Variants in NCLN observed in about 807,000 individuals in gnomAD.
The protein encoded by NCLN is BOS complex subunit NCLN.
NCLN carries 34 observed loss-of-function variants against 69.5 expected under a neutral mutation model. The observed-to-expected ratio is 0.49, with a 90% confidence interval of 0.37 to 0.65. NCLN has a LOEUF of 0.65. Among genes scored for constraint, NCLN ranks in the 30% least tolerant of loss-of-function variants. The probability of loss-of-function intolerance (pLI) is 0.00; values close to 1 mark genes in which losing one functional copy is unlikely to be tolerated. For synonymous variants in NCLN, 393 were observed against 358.3 expected, an observed-to-expected ratio of 1.10 and a Z score of -1.09; for missense variants, 710 against 804.8, an observed-to-expected ratio of 0.88 and a Z score of 1.42.
intron 4 of NCLN, among the ~76,000 whole-genome samples, chr19:3,197,562 C>T (rs1381776943): frequency 6.6e-6 from 1 of 152,170 alleles, no homozygotes; most frequent in African/African-American, 2.4e-5. Context: ...TTGCCTCGGC[C>T]TCCCGAGTAG....
At chr19:3,195,926 G>A (rs907080819) in intron 3 of NCLN, among the ~76,000 whole-genome samples, 1 of 152,184 alleles carries the variant, frequency 6.6e-6, no homozygotes, top group African/African-American at 2.4e-5. Flanking sequence ...TTGAGGGCCC[G>A]GGAGGAAAGG....
chr19:3,194,577 A>T (rs1237184004), intron 3 of NCLN, among the ~76,000 whole-genome samples: 1 of 152,234 alleles, frequency 6.6e-6, no homozygotes, highest in Non-Finnish European at 1.5e-5. Flanking sequence ...GAGACCATCC[A>T]GCCTGCAAAG....
chr19:3,191,605 G>A (rs948078005), intron 1 of NCLN, among the ~76,000 whole-genome samples: 1 of 152,236 alleles, frequency 6.6e-6, no homozygotes, highest in East Asian at 1.9e-4. Context: ...AGGCTTCAGG[G>A]AAGGGCCGTC....
chr19:3,204,054 C>T lies in NCLN; in HGVS notation c.939C>T (p.Thr313=), dbSNP rs780897260. 71 of 1,568,862 alleles carry T rather than the reference C, an allele frequency of 4.5e-5. No homozygotes were observed. In the East Asian group the frequency reaches 9.5e-4, roughly 21 times the overall value. The stretch of plus-strand genomic sequence containing the variant: ...TGGCCTTCGTGCTGTGCCTGGACAC[C>T]GTGGGCCGGGGCAGCAGCCTGCACC... ...DNVAFVLCLD[T]VGRGSSLHLH... The change falls in exon 8 of 15, where the codon ACC becomes ACT. Residue 313 remains threonine (T), a synonymous_variant. Transcript: ENST00000246117.
intron 1 of NCLN, among the ~76,000 whole-genome samples, chr19:3,187,667 G>A (rs1016746059): frequency 6.6e-6 from 1 of 152,228 alleles, no homozygotes; most frequent in South Asian, 2.1e-4. Flanking sequence ...CATGGAGTGG[G>A]TGGAGGCCAG....
intron 6 of NCLN, 87 bp downstream of exon 6, chr19:3,201,713 C>G (rs1916131676): frequency 1.7e-6 from 2 of 1,143,114 alleles, no homozygotes; most frequent in Non-Finnish European, 2.4e-6. Context: ...GCAGATGTTT[C>G]TCTGGAGCCT....
intron 7 of NCLN, 63 bp from the exon 8 acceptor site, chr19:3,203,931 CAGGAGGCACAG>C: frequency 6.4e-7 from 1 of 1,561,588 alleles, no homozygotes; most frequent in African/African-American, 1.4e-5. Context: ...TGGGGGCAGC[CAGGAGGCACAG>C]AGGGAGGGCC....
At chr19:3,191,005 G>A (rs910104018) in intron 1 of NCLN, among the ~76,000 whole-genome samples, 2 of 145,124 alleles carry the variant, frequency 1.4e-5, no homozygotes, top group Admixed American at 1.4e-4. Context: ...GGCCATCGCG[G>A]TGTGTGGCGG....
Position 3,198,814 on chromosome 19 carries a change from C to T in NCLN, c.616-3C>T. On this transcript the variant is annotated splice_region_variant and splice_polypyrimidine_tract_variant and intron_variant, in intron 4 of 14. Transcript: ENST00000246117. Reference sequence around the variant, plus strand: ...AGGCCATTCCCCTGCTCTCTATCCACAGGGGCGGCTGACGGGGCTGGGCGG... The same window carrying T: ...AGGCCATTCCCCTGCTCTCTATCCATAGGGGCGGCTGACGGGGCTGGGCGG... 2 of 1,582,282 alleles carry T rather than the reference C, an allele frequency of 1.3e-6. No homozygotes were observed. Among genetic ancestry groups the T allele is most frequent in the South Asian group, 2.3e-5 (2 of 88,246 alleles).
intron 6 of NCLN, among the ~76,000 whole-genome samples, chr19:3,202,152 G>A (rs1340705290): frequency 3.9e-5 from 6 of 152,034 alleles, no homozygotes; most frequent in Admixed American, 1.3e-4. Flanking sequence ...ACTATGTCCC[G>A]TGATCATCTG....
intron 3 of NCLN, among the ~76,000 whole-genome samples, chr19:3,193,727 G>A (rs1001575617): frequency 2.8e-4 from 43 of 152,246 alleles, no homozygotes; most frequent in Admixed American, 2.8e-3. Flanking sequence ...CAGGGGCTCG[G>A]GGTTTATGAA....
In NCLN at chr19:3,185,977, G is replaced by GC; in HGVS notation, c.-52dup. 7.4e-7 allele frequency: 1 copy of GC among 1,358,000 alleles called. No homozygotes were observed. Among genetic ancestry groups the GC allele is most frequent in the South Asian group, 1.7e-5 (1 of 57,312 alleles). 84.1% of individuals were successfully genotyped at this position (1,358,000 alleles called of 1,614,324 possible). A position where few individuals can be genotyped will look rare whatever the true frequency, so the allele number is the denominator to read the frequency against. ...CCGAGGTGAGTCCGCGGGAGCCGCC[G>GC]CCGCCGCCGTCCCGTCCCAGCTGCC... On this transcript the variant is annotated 5_prime_UTR_variant, in exon 1 of 15. Coordinates refer to ENST00000246117, the MANE Select transcript of NCLN (RefSeq NM_020170.4).
intron 2 of NCLN, among the ~76,000 whole-genome samples, chr19:3,192,915 A>G (rs1915865409): frequency 6.6e-6 from 1 of 152,124 alleles, no homozygotes. Context: ...AGCACCCTGC[A>G]GTGCCCAGGA....
chr19:3,201,035 A>G (rs774742924), intron 5 of NCLN, among the ~76,000 whole-genome samples: 5 of 152,142 alleles, frequency 3.3e-5, no homozygotes, highest in Non-Finnish European at 7.4e-5. Flanking sequence ...TTAGATCACA[A>G]AGGTGCATCC....
At chr19:3,203,889 C>T (rs768219315) in intron 7 of NCLN, 45 bp downstream of exon 7, 29 of 1,597,884 alleles carry the variant, frequency 1.8e-5, no homozygotes, top group African/African-American at 1.1e-4. Context: ...GTGGTGGTGC[C>T]GTGGGGAGGC....
In NCLN at chr19:3,196,253, T is replaced by C. The variant is rs1280370384; in HGVS notation, c.591T>C (p.Ser197=). 6.4e-7 allele frequency: 1 copy of C among 1,551,144 alleles called. No individual in the cohort carries two copies. The highest frequency in any genetic ancestry group is 2.4e-5 in the East Asian group (1 of 41,044). The change falls in exon 4 of 15, where the codon AGT becomes AGC. Residue 197 remains serine (S), a synonymous_variant. Transcript: ENST00000246117. The stretch of plus-strand genomic sequence containing the variant: ...GCGGGGTACAGAGCAAGGCCGTGAG[T>C]GACTGGCTGATTGCCAGCGTGGAGG... ...VTSGVQSKAV[S]DWLIASVEGR...
At chr19:3,193,168 T>TCACTGGGCCCCCTGCTACCCCCA (rs1915873040) in intron 2 of NCLN, 116 bp from the exon 3 acceptor site, 1 of 1,003,712 alleles carries the variant, frequency 1.0e-6, no homozygotes, top group African/African-American at 1.9e-5. Context: ...TGCTACCCCC[T>TCACTGGGCCCCCTGCTACCCCCA]CCAGGGACAG....
At position 3,205,933 on chromosome 19, in the gene NCLN, G is replaced by A. The variant is rs375049865; in HGVS notation, c.1209-6G>A. ...CATTTTAAAACATTGTTTTTGAATC[G>A]TGAAGGTCCCGGGTGGATTCTAAGA... On this transcript the variant is annotated splice_region_variant and splice_polypyrimidine_tract_variant and intron_variant, in intron 9 of 14. Transcript: ENST00000246117. The surrounding 1 kb of genome is among the most constrained non-coding windows in gnomAD (Gnocchi z 4.6). 1.1e-5 allele frequency: 17 copies of A among 1,613,288 alleles called. No individual in the cohort carries two copies. The highest frequency in any genetic ancestry group is 3.3e-5 in the Admixed American group (2 of 59,968).
intron 1 of NCLN, among the ~76,000 whole-genome samples, chr19:3,186,514 C>T (rs1915674262): frequency 6.6e-6 from 1 of 152,318 alleles, no homozygotes; most frequent in Non-Finnish European, 1.5e-5. Flanking sequence ...CCCTAAGTCC[C>T]CTCTCTCCTG....
Sources: gnomAD v4.1 joint callset for allele counts (sites outside exome capture counted in the v4.1 genomes callset) on GRCh38, gnomAD v4.1.1 for gene constraint, Gnocchi (gnomAD v3.1) non-coding constraint, MANE v1.5 for transcripts, NCBI Gene and HGNC (gene_info 2026-07-23, HGNC 2026-07-21) for gene names.